PRKAR1B: variants seen among roughly 807,000 people sequenced by gnomAD.
PRKAR1B encodes cAMP-dependent protein kinase type I-beta regulatory subunit.
In PRKAR1B, 22 loss-of-function variants were observed where a neutral mutation model predicts 46.5. The observed-to-expected ratio is 0.47, with a 90% CI of 0.34 to 0.68. The LOEUF (loss-of-function observed/expected upper bound fraction) is 0.68. Ranked by LOEUF, PRKAR1B falls within the 30% of genes least tolerant of loss-of-function variation. PRKAR1B has a pLI of 0.01. For synonymous variants in PRKAR1B, 259 were observed against 217.7 expected (o/e 1.19, Z -1.67); for missense variants, 445 against 535.6 (o/e 0.83, Z 1.67).
At chr7:642,441 C>T (rs917173573) in intron 4 of PRKAR1B, among the ~76,000 whole-genome samples, 1 of 152,154 alleles carries the variant, frequency 6.6e-6, no homozygotes, top group African/African-American at 2.4e-5. Context: ...AAGAAACAAA[C>T]TCGGCCGGGC....
At chr7:556,763 C>T (rs1211613148) in intron 9 of PRKAR1B, among the ~76,000 whole-genome samples, 1 of 152,178 alleles carries the variant, frequency 6.6e-6, no homozygotes, top group Non-Finnish European at 1.5e-5. Flanking sequence ...CAAGTTCATC[C>T]TTTCACCTTC....
At chr7:653,448 T>C (rs904565988) in intron 4 of PRKAR1B, among the ~76,000 whole-genome samples, 3 of 152,114 alleles carry the variant, frequency 2.0e-5, no homozygotes, top group Non-Finnish European at 2.9e-5. Context: ...GGGAGCAAGG[T>C]CCCTTTCCCA....
intron 4 of PRKAR1B, among the ~76,000 whole-genome samples, chr7:652,094 A>G (rs1474734244): frequency 2.5e-5 from 3 of 120,396 alleles, no homozygotes; most frequent in East Asian, 2.8e-4. Context: ...TCACACCCAC[A>G]CAGCGCTAGG....
chr7:587,429 G>A (rs1333976656), intron 7 of PRKAR1B, among the ~76,000 whole-genome samples: 1 of 152,228 alleles, frequency 6.6e-6, no homozygotes, highest in Non-Finnish European at 1.5e-5. Context: ...GTGCTTCGGA[G>A]GTGTGTGTCT....
intron 7 of PRKAR1B, among the ~76,000 whole-genome samples, chr7:584,968 T>C (rs912494052): frequency 5.9e-5 from 9 of 151,920 alleles, no homozygotes; most frequent in Non-Finnish European, 1.0e-4. Context: ...CTCAAGCACA[T>C]GACGTAGAAG....
At chr7:710,643 CTTTTTTTTTTTT>C (rs1177446855) in intron 2 of PRKAR1B, among the ~76,000 whole-genome samples, 5 of 137,630 alleles carry the variant, frequency 3.6e-5, no homozygotes, top group Non-Finnish European at 6.3e-5. Flanking sequence ...TTTCTTTTTC[CTTTTTTTTTTTT>C]TTTTTTTTGA....
intron 2 of PRKAR1B, among the ~76,000 whole-genome samples, chr7:682,380 G>A (rs576006376): frequency 6.6e-6 from 1 of 152,146 alleles, no homozygotes; most frequent in South Asian, 2.1e-4. Flanking sequence ...TATAATCCCA[G>A]CACTTAGGGA....
At chr7:680,829 G>C in intron 2 of PRKAR1B, 103 bp from the exon 3 acceptor site, 4 of 1,364,850 alleles carry the variant, frequency 2.9e-6, no homozygotes, top group Non-Finnish European at 3.0e-6. Context: ...GGACTAGTGG[G>C]AGGATCGCTT....
At chr7:684,763 C>T (rs958067998) in intron 2 of PRKAR1B, among the ~76,000 whole-genome samples, 1 of 152,156 alleles carries the variant, frequency 6.6e-6, no homozygotes, top group Non-Finnish European at 1.5e-5. Context: ...TCCCAAACTA[C>T]ACAAGAGTAG....
intron 4 of PRKAR1B, among the ~76,000 whole-genome samples, chr7:651,609 CCT>C (rs774754284): frequency 5.9e-5 from 9 of 152,296 alleles, no homozygotes; most frequent in South Asian, 2.1e-4. Context: ...TGGGAAACCC[CCT>C]GTCAGAAGAC....
intron 4 of PRKAR1B, among the ~76,000 whole-genome samples, chr7:629,834 ACGGCCTCC>A (rs1783632232): frequency 1.2e-5 from 1 of 80,794 alleles, no homozygotes; most frequent in African/African-American, 5.8e-5. Context: ...GAGCGGGGCC[ACGGCCTCC>A]CAGGGCGCCA....
intron 4 of PRKAR1B, among the ~76,000 whole-genome samples, chr7:635,071 G>A (rs1371617476): frequency 6.6e-6 from 1 of 152,234 alleles, no homozygotes; most frequent in Non-Finnish European, 1.5e-5. Flanking sequence ...AGGGTACACA[G>A]GGCTTCATGA....
chr7:622,087 T>C (rs923475504), intron 4 of PRKAR1B, among the ~76,000 whole-genome samples: 2 of 152,248 alleles, frequency 1.3e-5, no homozygotes, highest in African/African-American at 4.8e-5. Context: ...ATTGTGGAAC[T>C]GCAGCCAGAG....
At chr7:701,282 A>T (rs1246327285) in intron 2 of PRKAR1B, among the ~76,000 whole-genome samples, 1 of 149,490 alleles carries the variant, frequency 6.7e-6, no homozygotes, top group Non-Finnish European at 1.5e-5. Flanking sequence ...GAAAGAAAGA[A>T]AGAGAAAGAA....
chr7:689,121 ATT>A (rs539745154), intron 2 of PRKAR1B, among the ~76,000 whole-genome samples: 64 of 120,070 alleles, frequency 5.3e-4, no homozygotes, highest in African/African-American at 2.3e-3. Context: ...AGAAAAAAAA[ATT>A]TTTTTTTTTT....
chr7:622,731 C>T (rs559620558), intron 4 of PRKAR1B, among the ~76,000 whole-genome samples: 2 of 152,176 alleles, frequency 1.3e-5, no homozygotes, highest in East Asian at 1.9e-4. Context: ...AAGGAGCAGA[C>T]GGGAATGATG....
At chr7:648,316 A>G (rs1469733551) in intron 4 of PRKAR1B, among the ~76,000 whole-genome samples, 1 of 152,102 alleles carries the variant, frequency 6.6e-6, no homozygotes, top group African/African-American at 2.4e-5. Flanking sequence ...TAGCCAATGA[A>G]ATATAAACCC....
In PRKAR1B at chr7:644,805, C is replaced by T. The variant is rs1372045431; in HGVS notation, c.440+32424G>A. ...CACCTCCCATAGCCTTCCAGGGAAG[C>T]GGGCCCCAAAGAGGCTGGACCGGGC... On this transcript the variant is annotated intron_variant, in intron 4 of 10. Transcript: ENST00000537384. The surrounding 1 kb of genome is among the most constrained non-coding windows in gnomAD (Gnocchi z 4.9). Among the ~76,000 whole-genome samples, 2 of 152,176 alleles carry T rather than the reference C, an allele frequency of 1.3e-5. No homozygotes were observed. The highest frequency in any genetic ancestry group is 4.8e-5 in the African/African-American group (2 of 41,458).
intron 6 of PRKAR1B, among the ~76,000 whole-genome samples, chr7:599,200 G>A (rs1189931433): frequency 6.6e-6 from 1 of 152,208 alleles, no homozygotes; most frequent in African/African-American, 2.4e-5. Flanking sequence ...ATCCTTCTCA[G>A]GACACTGGCC....
Sources: allele counts gnomAD v4.1 joint callset (sites outside exome capture counted in the v4.1 genomes callset), GRCh38; gene constraint gnomAD v4.1.1; non-coding constraint Gnocchi (gnomAD v3.1); transcripts MANE v1.5; gene names NCBI Gene and HGNC (gene_info 2026-07-23, HGNC 2026-07-21).